Variants in ZNG1E observed in about 807,000 individuals in gnomAD.
The protein encoded by ZNG1E is Zn regulated GTPase metalloprotein activator 1E.
the ZNG1E span, among the ~76,000 whole-genome samples, chr9:65,659,144 C>A: frequency 6.4e-3 from 972 of 151,240 alleles, 2 homozygotes; most frequent in African/African-American, 0.023. Flanking sequence ...AAACTGGTTT[C>A]TCACCAGCAA....
the ZNG1E span, among the ~76,000 whole-genome samples, chr9:65,713,010 C>A: frequency 4.5e-4 from 55 of 122,714 alleles, no homozygotes; most frequent in African/African-American, 1.7e-3. Context: ...GTAGGTCACT[C>A]AGGACTTGCT....
the ZNG1E span, chr9:65,703,549 C>T: frequency 2.1e-4 from 202 of 958,056 alleles, 6 homozygotes; most frequent in Non-Finnish European, 2.4e-4. Flanking sequence ...ATCTTAATTT[C>T]AGAAAATTTC....
the ZNG1E span, among the ~76,000 whole-genome samples, chr9:65,693,899 C>G: frequency 2.8e-3 from 423 of 150,898 alleles, 1 homozygote; most frequent in South Asian, 0.022. Context: ...TTTCCCAAAT[C>G]TTTGCTGAAA....
At chr9:65,719,996 A>G in the ZNG1E span, 5 of 1,597,146 alleles carry the variant, frequency 3.1e-6, no homozygotes, top group Non-Finnish European at 4.3e-6. Flanking sequence ...ATAAAGTTAA[A>G]TCAGAAGTGT....
chr9:65,685,061 A>G, the ZNG1E span, among the ~76,000 whole-genome samples: 1 of 146,682 alleles, frequency 6.8e-6, no homozygotes, highest in Non-Finnish European at 1.5e-5. Flanking sequence ...AAAAAAAAAA[A>G]AAAAAAAAGC....
At chr9:65,684,383 A>T in the ZNG1E span, among the ~76,000 whole-genome samples, 1 of 150,560 alleles carries the variant, frequency 6.6e-6, no homozygotes, top group Non-Finnish European at 1.5e-5. Context: ...CTGAAAATTC[A>T]AAAACTAGCC....
the ZNG1E span, among the ~76,000 whole-genome samples, chr9:65,661,878 C>T: frequency 6.6e-6 from 1 of 152,242 alleles, no homozygotes; most frequent in South Asian, 2.1e-4. Context: ...TTGAGTTGTA[C>T]ACTTAAATGA....
the ZNG1E span, among the ~76,000 whole-genome samples, chr9:65,666,560 C>A: frequency 6.4e-5 from 9 of 141,060 alleles, no homozygotes; most frequent in Non-Finnish European, 1.2e-4. Context: ...TTTCCTCTCC[C>A]CAAAAGGTAA....
At chr9:65,678,170 C>T in the ZNG1E span, among the ~76,000 whole-genome samples, 1 of 149,708 alleles carries the variant, frequency 6.7e-6, no homozygotes, top group African/African-American at 2.5e-5. Flanking sequence ...TACATTCACC[C>T]TTTCCTTTCA....
the ZNG1E span, chr9:65,679,511 TC>T: frequency 1.6e-6 from 1 of 643,788 alleles, no homozygotes; most frequent in Non-Finnish European, 2.5e-6. Context: ...AATAAATGAC[TC>T]CAGAAGTAAA....
At chr9:65,700,789 C>A in the ZNG1E span, 1 of 135,040 alleles carries the variant, frequency 7.4e-6, no homozygotes, top group African/African-American at 3.0e-5. Flanking sequence ...TTCTGTCTCT[C>A]CCCGCTTCCT....
chr9:65,672,470 G>A, the ZNG1E span, among the ~76,000 whole-genome samples: 1 of 149,466 alleles, frequency 6.7e-6, no homozygotes, highest in Non-Finnish European at 1.5e-5. Flanking sequence ...AAAAAGCCCG[G>A]CACAGTGGCT....
the ZNG1E span, among the ~76,000 whole-genome samples, chr9:65,659,513 A>AG: frequency 3.4e-5 from 5 of 148,078 alleles, no homozygotes; most frequent in Admixed American, 6.8e-5. Flanking sequence ...AAAAAAAAAA[A>AG]AGAGAGAGAA....
At chr9:65,693,552 A>ATTTTTTTTTTTTT in the ZNG1E span, 1 of 720,642 alleles carries the variant, frequency 1.4e-6, no homozygotes, top group Non-Finnish European at 1.8e-6. Flanking sequence ...GAACATGTTA[A>ATTTTTTTTTTTTT]TTTTTTTTTT....
At chr9:65,714,714 G>A in the ZNG1E span, among the ~76,000 whole-genome samples, 1 of 151,292 alleles carries the variant, frequency 6.6e-6, no homozygotes, top group Non-Finnish European at 1.5e-5. Flanking sequence ...CTCCCAGGGG[G>A]TCAGGGGTCA....
At chr9:65,659,889 A>ATGTT in the ZNG1E span, among the ~76,000 whole-genome samples, 1 of 151,614 alleles carries the variant, frequency 6.6e-6, no homozygotes, top group East Asian at 1.9e-4. Flanking sequence ...GCTGTAGCAT[A>ATGTT]GCCTAATGTA....
the ZNG1E span, among the ~76,000 whole-genome samples, chr9:65,680,913 T>G: frequency 6.6e-6 from 1 of 152,196 alleles, no homozygotes; most frequent in Non-Finnish European, 1.5e-5. Flanking sequence ...CTCAGCCGCC[T>G]GAGTAGCTGG....
At chr9:65,699,186 G>A in the ZNG1E span, among the ~76,000 whole-genome samples, 6 of 149,888 alleles carry the variant, frequency 4.0e-5, no homozygotes, top group Admixed American at 1.3e-4. Context: ...GCCTCCCAAA[G>A]TGCTGGGATT....
At chr9:65,666,257 C>G in the ZNG1E span, among the ~76,000 whole-genome samples, 4 of 150,422 alleles carry the variant, frequency 2.7e-5, no homozygotes, top group Non-Finnish European at 5.9e-5. Context: ...GTAACTGAAT[C>G]ATGGGGGCAG....
Sources: gnomAD v4.1 joint callset for allele counts (sites outside exome capture counted in the v4.1 genomes callset) on GRCh38, gnomAD v4.1.1 for gene constraint, MANE v1.5 for transcripts, NCBI Gene and HGNC (gene_info 2026-07-23, HGNC 2026-07-21) for gene names.